NUDT2: variants seen among roughly 807,000 people sequenced by gnomAD.
NUDT2 encodes bis(5'-nucleosyl)-tetraphosphatase [asymmetrical].
In NUDT2, 12 loss-of-function variants were observed where a neutral mutation model predicts 14.2. That is an observed-to-expected ratio of 0.84 (90% CI 0.54 to 1.37). NUDT2 has a LOEUF of 1.37. Ranked by LOEUF, NUDT2 falls within the 40% of genes most tolerant of loss-of-function variation. NUDT2 has a pLI of 0.00. For missense variants in NUDT2, 167 were observed against 176.7 expected, an observed-to-expected ratio of 0.95 and a Z score of 0.31; for synonymous variants, 67 against 67.4, an observed-to-expected ratio of 0.99 and a Z score of 0.03.
chr9:34,335,491 C>T (rs994005764), intron 1 of NUDT2, among the ~76,000 whole-genome samples: 1 of 152,190 alleles, frequency 6.6e-6, no homozygotes, highest in Non-Finnish European at 1.5e-5. Context: ...GTTAAGGATG[C>T]AGAGCATGGA....
At position 34,343,274 on chromosome 9, in the gene NUDT2, A is replaced by T. The variant is rs1820240632; in HGVS notation, c.278A>T (p.Tyr93Phe). 6.2e-7 allele frequency: 1 copy of T among 1,614,034 alleles called. No individual in the cohort carries two copies. Among genetic ancestry groups the T allele is most frequent in the Non-Finnish European group, 8.5e-7 (1 of 1,180,010 alleles). ...VARNKPKTVI[Y>F]WLAEVKDYDV... ...AGGAACAAGCCTAAAACAGTCATTT[A>T]CTGGCTGGCGGAGGTGAAGGACTAT... Residue 93 changes from tyrosine to phenylalanine, a missense_variant, in exon 5 of 5, where the codon TAC (tyrosine) becomes TTC (phenylalanine). By Grantham distance (22) the Tyr-to-Phe change is conservative. Transcript: ENST00000379158.
Position 34,334,586 on chromosome 9 carries a change from C to A in NUDT2, c.-264-1643C>A, listed in dbSNP as rs1838038788. ...TCCATTCACTTTTATGTAAATGGCA[C>A]TCTTCAGGAAAACACTGGGCTATTT... On this transcript the variant is annotated intron_variant, in intron 1 of 4. Transcript: ENST00000379158. 2.0e-5 allele frequency among the ~76,000 whole-genome samples: 3 copies of A among 152,318 alleles called. No individual in the cohort carries two copies. In the South Asian group the frequency reaches 6.2e-4, roughly 32 times the overall value.
In NUDT2 at chr9:34,339,245, C is replaced by T. The variant is rs977827003; in HGVS notation, c.127+79C>T. On this transcript the variant is annotated intron_variant, in intron 4 of 4. Coordinates refer to ENST00000379158, the MANE Select transcript of NUDT2 (RefSeq NM_001161.5). ...CTACCCTGCCAGGCCCTCCCCAAGGCTTAATTCCCAGTGACTGTGTAGCAA... is the reference window on the plus strand; with the variant it reads ...CTACCCTGCCAGGCCCTCCCCAAGGTTTAATTCCCAGTGACTGTGTAGCAA... 3.2e-6 allele frequency: 5 copies of T among 1,548,076 alleles called. No homozygotes were observed. The African/African-American group carries it at 5.4e-5, about 17-fold the overall frequency.
intron 1 of NUDT2, among the ~76,000 whole-genome samples, chr9:34,333,264 A>G (rs1368728651): frequency 1.3e-5 from 2 of 152,106 alleles, no homozygotes; most frequent in Non-Finnish European, 2.9e-5. Context: ...TCTCCCCCCA[A>G]CTAAAACCTT....
intron 1 of NUDT2, among the ~76,000 whole-genome samples, chr9:34,335,852 C>T (rs1011125968): frequency 1.3e-5 from 2 of 152,116 alleles, no homozygotes; most frequent in African/African-American, 2.4e-5. Context: ...CCTCCCCCAC[C>T]CCACCGCTGC....
chr9:34,335,727 G>A (rs142022567), intron 1 of NUDT2, among the ~76,000 whole-genome samples: 38 of 152,318 alleles, frequency 2.5e-4, no homozygotes, highest in African/African-American at 8.9e-4. Flanking sequence ...CTCTTCTGGC[G>A]CCATTGAGAT....
chr9:34,332,035 C>A (rs1439014953), intron 1 of NUDT2, among the ~76,000 whole-genome samples: 1 of 152,212 alleles, frequency 6.6e-6, no homozygotes, highest in African/African-American at 2.4e-5. Context: ...TGGTCTGTTG[C>A]AATAGACTTG....
At chr9:34,335,029 T>C (rs10972062) in intron 1 of NUDT2, among the ~76,000 whole-genome samples, 71,972 of 152,036 alleles carry the variant, frequency 0.47, 19,990 homozygotes, top group South Asian at 0.64. Flanking sequence ...CTCACCTTGT[T>C]GGTGAAGGTC....
intron 1 of NUDT2, among the ~76,000 whole-genome samples, chr9:34,335,049 C>A (rs1280869076): frequency 2.6e-5 from 4 of 152,176 alleles, no homozygotes; most frequent in African/African-American, 9.7e-5. Context: ...CATCACACAG[C>A]CCCCAGCACC....
At position 34,343,184 on chromosome 9, in the gene NUDT2, C is replaced by G; in HGVS notation, c.188C>G (p.Ala63Gly). 7 of 1,614,062 alleles carry G rather than the reference C, an allele frequency of 4.3e-6. No individual in the cohort carries two copies. The highest frequency in any genetic ancestry group is 5.9e-6 in the Non-Finnish European group (7 of 1,180,026). The change falls in exon 5 of 5, where the codon GCA (alanine) becomes GGA (glycine). Residue 63 changes from alanine (A) to glycine (G), a missense_variant. Physicochemically the swap from Ala to Gly is moderately conservative, Grantham distance 60. Transcript: ENST00000379158. ...GCCCTGAGGGAGACCCAAGAGGAAG[C>G]AGGCATAGAAGCAGGCCAGCTGACC... Reference protein sequence around the residue: ...ETALRETQEEAGIEAGQLTII... With the variant: ...ETALRETQEEGGIEAGQLTII...
rs918428290 is a variant in NUDT2, at chr9:34,336,240, G to A, written c.-253G>A. The stretch of plus-strand genomic sequence containing the variant: ...GAGCATCTTTATAGGGAGGGCATGG[G>A]ATCAGCTACCTGTTTCTGCCTCAAC... On this transcript the variant is annotated 5_prime_UTR_variant, in exon 2 of 5. Transcript: ENST00000379158. The A allele has an allele frequency of 3.3e-5, 5 of 152,152 alleles. No individual in the cohort carries two copies. Among genetic ancestry groups the A allele is most frequent in the African/African-American group, 1.2e-4 (5 of 41,434 alleles). The allele number at this position is 152,152 out of a possible 1,614,324, so 9.4% of individuals were successfully genotyped here.
In NUDT2 at chr9:34,337,583, A is replaced by G. The variant is rs188882001; in HGVS notation, c.-151-1130A>G. 1.3e-3 allele frequency among the ~76,000 whole-genome samples: 198 copies of G among 152,294 alleles called. 2 individuals carry two copies. Among genetic ancestry groups the G allele is most frequent in the African/African-American group, 4.2e-3 (176 of 41,572 alleles). On this transcript the variant is annotated intron_variant, in intron 2 of 4. Coordinates refer to ENST00000379158, the MANE Select transcript of NUDT2 (RefSeq NM_001161.5). The stretch of plus-strand genomic sequence containing the variant: ...GTTTGGTTTTTGGTGAGAAACCGCT[A>G]TTCTCTAGAGTAACATTACCATCTG...
At chr9:34,332,634 C>T (rs547827425) in intron 1 of NUDT2, among the ~76,000 whole-genome samples, 1 of 152,290 alleles carries the variant, frequency 6.6e-6, no homozygotes, top group African/African-American at 2.4e-5. Context: ...TGACTTTGGC[C>T]TTATCCTAGA....
chr9:34,332,657 T>G (rs1226591089), intron 1 of NUDT2, among the ~76,000 whole-genome samples: 1 of 152,208 alleles, frequency 6.6e-6, no homozygotes, highest in Non-Finnish European at 1.5e-5. Context: ...CCAATATTTA[T>G]GCCATTACAG....
chr9:34,339,174 C>T lies in NUDT2; in HGVS notation c.127+8C>T. The T allele has an allele frequency of 1.2e-6, 2 of 1,609,852 alleles. No homozygotes were observed. Among genetic ancestry groups the T allele is most frequent in the South Asian group, 2.2e-5 (2 of 90,990 alleles). On this transcript the variant is annotated splice_region_variant and intron_variant, in intron 4 of 4. Coordinates refer to ENST00000379158, the MANE Select transcript of NUDT2 (RefSeq NM_001161.5). ...ACTGGACTCCTCCCAAAGGTAGAGG[C>T]CAGAGGGGCCAGCTCTTGGGAAACT...
rs148119952 is a variant in NUDT2, at chr9:34,339,073, C to T, written c.34C>T (p.Arg12Ter). 6.8e-6 allele frequency: 11 copies of T among 1,613,932 alleles called. No homozygotes were observed. The highest frequency in any genetic ancestry group is 6.7e-5 in the East Asian group (3 of 44,884). ...GAGAGCATGTGGCTTGATCATCTTC[C>T]GAAGATGCCTCATTCCCAAAGTGGA... ...ALRACGLIIF[R>*]RCLIPKVDNN... Residue 12 changes from arginine to a stop codon, truncating the protein, a stop_gained, in exon 4 of 5, where the codon CGA becomes TGA. Coordinates refer to ENST00000379158, the MANE Select transcript of NUDT2 (RefSeq NM_001161.5). LOFTEE classifies it high-confidence loss of function.
intron 1 of NUDT2, among the ~76,000 whole-genome samples, chr9:34,332,895 G>A (rs963453974): frequency 6.6e-6 from 1 of 152,144 alleles, no homozygotes; most frequent in Non-Finnish European, 1.5e-5. Flanking sequence ...TTTACTCATG[G>A]GTGGGTGCCT....
intron 2 of NUDT2, among the ~76,000 whole-genome samples, chr9:34,336,824 T>C (rs1184990149): frequency 6.6e-6 from 1 of 151,352 alleles, no homozygotes; most frequent in East Asian, 2.0e-4. Context: ...GATTAAAGGC[T>C]CGAGCCACTG....
At chr9:34,339,232 G>T in intron 4 of NUDT2, 66 bp downstream of exon 4, 1 of 1,579,720 alleles carries the variant, frequency 6.3e-7, no homozygotes. Flanking sequence ...ACCCTGCCAG[G>T]CCCTCCCCAA....
Sources: gnomAD v4.1 joint callset for allele counts (sites outside exome capture counted in the v4.1 genomes callset) on GRCh38, gnomAD v4.1.1 for gene constraint, MANE v1.5 for transcripts, NCBI Gene and HGNC (gene_info 2026-07-23, HGNC 2026-07-21) for gene names.